RMDN2: variants seen among roughly 807,000 people sequenced by gnomAD.
The protein encoded by RMDN2 is regulator of microtubule dynamics protein 2.
In RMDN2, 61 loss-of-function variants were observed where a neutral mutation model predicts 52.8. The ratio of observed to expected loss-of-function variants is 1.16; its 90% CI spans 0.94 to 1.43. The LOEUF (loss-of-function observed/expected upper bound fraction) is 1.43, where lower values mean the gene tolerates loss of function less well. Among genes scored for constraint, RMDN2 ranks in the 40% most tolerant of loss-of-function variants. RMDN2 has a pLI of 0.00. For synonymous variants in RMDN2, 180 were observed against 153.1 expected (o/e 1.18, Z -1.30); for missense variants, 592 against 475.3 (o/e 1.25, Z -2.28).
chr2:38,064,381 T>TC (rs1682182737), intron 10 of RMDN2, among the ~76,000 whole-genome samples: 1 of 151,882 alleles, frequency 6.6e-6, no homozygotes, highest in Non-Finnish European at 1.5e-5. Context: ...TCCCAGCTAC[T>TC]CGGGGGGCTG....
At chr2:37,971,456 A>G (rs1377421011) in intron 2 of RMDN2, among the ~76,000 whole-genome samples, 1 of 152,180 alleles carries the variant, frequency 6.6e-6, no homozygotes, top group Non-Finnish European at 1.5e-5. Context: ...CATATGTCTT[A>G]CCCCAAGGAC....
intron 1 of RMDN2, among the ~76,000 whole-genome samples, chr2:37,926,043 G>C (rs1458225833): frequency 6.6e-6 from 1 of 152,216 alleles, no homozygotes; most frequent in African/African-American, 2.4e-5. Flanking sequence ...TTTCCAGGAC[G>C]CTGTAGGAAA....
intron 5 of RMDN2, 26 bp from the exon 6 acceptor site, chr2:37,989,515 T>C: frequency 6.4e-7 from 1 of 1,555,750 alleles, no homozygotes; most frequent in Non-Finnish European, 8.8e-7. Flanking sequence ...GTGGCCACTG[T>C]TTTTGTCTGT....
intron 2 of RMDN2, chr2:37,951,864 T>A: frequency 1.2e-6 from 2 of 1,613,548 alleles, no homozygotes; most frequent in African/African-American, 1.3e-5. Flanking sequence ...ATCCTTCTTT[T>A]CTCTTGCAAG....
downstream of RMDN2, among the ~76,000 whole-genome samples, chr2:38,021,591 G>A (rs1207345173): frequency 1.3e-5 from 2 of 152,028 alleles, no homozygotes; most frequent in African/African-American, 2.4e-5. Context: ...CAGACACGCC[G>A]CCTTTGAGAA....
downstream of RMDN2, among the ~76,000 whole-genome samples, chr2:38,021,094 AG>A (rs1164999905): frequency 6.6e-6 from 1 of 152,150 alleles, no homozygotes; most frequent in African/African-American, 2.4e-5. Flanking sequence ...TGTCTAGCTC[AG>A]GGTTTGTGAA....
intron 10 of RMDN2, among the ~76,000 whole-genome samples, chr2:38,028,451 T>C (rs1679942066): frequency 6.6e-6 from 1 of 152,230 alleles, no homozygotes; most frequent in African/African-American, 2.4e-5. Flanking sequence ...GAGGATGAAA[T>C]ATTGTTTTTT....
chr2:37,997,802 C>A, intron 8 of RMDN2: 1 of 332,388 alleles, frequency 3.0e-6, no homozygotes, highest in Non-Finnish European at 5.6e-6. Context: ...ACTGCTAAGT[C>A]CAAGAACAGC....
At chr2:37,937,586 G>A (rs974398662) in intron 2 of RMDN2, among the ~76,000 whole-genome samples, 4 of 152,118 alleles carry the variant, frequency 2.6e-5, no homozygotes, top group Non-Finnish European at 5.9e-5. Flanking sequence ...GCAGTGGTTT[G>A]TAATTCTCCT....
At chr2:38,041,596 T>C (rs1680958231) in intron 10 of RMDN2, among the ~76,000 whole-genome samples, 1 of 152,106 alleles carries the variant, frequency 6.6e-6, no homozygotes, top group Non-Finnish European at 1.5e-5. Context: ...AGATCTTCTT[T>C]ATCAAGATGA....
intron 2 of RMDN2, 87 bp from the exon 3 acceptor site, chr2:37,973,953 G>C (rs921741615): frequency 1.2e-5 from 12 of 1,035,938 alleles, no homozygotes; most frequent in Admixed American, 2.2e-5. Context: ...CATAAGAGGG[G>C]CATGATTTGA....
rs780622874 is a variant in RMDN2, at chr2:37,997,419, T to A, written c.949T>A (p.Ser317Thr). 6.2e-7 allele frequency: 1 copy of A among 1,610,242 alleles called. No homozygotes were observed. Among genetic ancestry groups the A allele is most frequent in the South Asian group, 1.1e-5 (1 of 90,994 alleles). The change falls in exon 8 of 11, where the codon TCA (serine) becomes ACA (threonine). Residue 317 changes from serine (S) to threonine (T), a missense_variant. Coordinates refer to ENST00000354545, the MANE Select transcript of RMDN2 (RefSeq NM_001170791.3). ...YLKGRYCYTV[S>T]KLSWIEKKMA... The stretch of plus-strand genomic sequence containing the variant: ...TGATGTTGTTGTGTATTTGCAGGTC[T>A]CAAAACTGAGCTGGATTGAGAAAAA...
In RMDN2 at chr2:37,974,147, A is replaced by G; in HGVS notation, c.560A>G (p.Asp187Gly). 1 of 1,613,402 alleles carries G rather than the reference A, an allele frequency of 6.2e-7. No homozygotes were observed. Among genetic ancestry groups the G allele is most frequent in the Non-Finnish European group, 8.5e-7 (1 of 1,179,448 alleles). The change falls in exon 3 of 11, where the codon GAT becomes GGT. Residue 187 changes from aspartate (D) to glycine (G), a missense_variant. Coordinates refer to ENST00000354545, the MANE Select transcript of RMDN2 (RefSeq NM_001170791.3). ...LNLDVLLQKV[D>G]HLRMSESGKS... is the part of the protein sequence containing the mutation. ...TTAGATGTCCTTCTTCAGAAGGTAG[A>G]TCATTTACGTATGAGTGAGTCTGGC...
intron 10 of RMDN2, among the ~76,000 whole-genome samples, chr2:38,016,040 A>T (rs1678729260): frequency 6.6e-6 from 1 of 152,242 alleles, no homozygotes; most frequent in Non-Finnish European, 1.5e-5. Flanking sequence ...TTGAAACATA[A>T]TGAAAACCAT....
intron 2 of RMDN2, among the ~76,000 whole-genome samples, chr2:37,930,725 G>A (rs1666664432): frequency 6.6e-6 from 1 of 152,228 alleles, no homozygotes; most frequent in Non-Finnish European, 1.5e-5. Context: ...ATTCCCCAAA[G>A]AAGTAGCAGC....
chr2:38,024,336 C>A (rs1400244082), intron 10 of RMDN2, among the ~76,000 whole-genome samples: 1 of 152,118 alleles, frequency 6.6e-6, no homozygotes, highest in Non-Finnish European at 1.5e-5. Flanking sequence ...TGTATTTCTA[C>A]CATTATAAAA....
chr2:38,050,258 A>G (rs1445590296), intron 10 of RMDN2, among the ~76,000 whole-genome samples: 1 of 151,668 alleles, frequency 6.6e-6, no homozygotes, highest in Non-Finnish European at 1.5e-5. Flanking sequence ...CACTTCTACA[A>G]CCAACTTTTA....
chr2:37,980,033 G>C (rs1673098248), intron 4 of RMDN2, among the ~76,000 whole-genome samples: 2 of 152,110 alleles, frequency 1.3e-5, no homozygotes, highest in Admixed American at 1.3e-4. Flanking sequence ...TAGAACTGTA[G>C]AATGCCACCT....
chr2:37,921,041 C>A (rs911957857), upstream of RMDN2, among the ~76,000 whole-genome samples: 1 of 152,182 alleles, frequency 6.6e-6, no homozygotes, highest in African/African-American at 2.4e-5. Context: ...AATAAGAATT[C>A]TATATCTTAA....
Sources: gnomAD v4.1 joint callset for allele counts (sites outside exome capture counted in the v4.1 genomes callset) on GRCh38, gnomAD v4.1.1 for gene constraint, MANE v1.5 for transcripts, NCBI Gene and HGNC (gene_info 2026-07-23, HGNC 2026-07-21) for gene names.